The following TMEM108 variants were observed in gnomAD, a reference collection of about 807,000 sequenced individuals.
The protein encoded by TMEM108 is transmembrane protein 108.
Under a neutral mutation model 35.1 loss-of-function variants are expected in TMEM108, and 12 were observed. The observed-to-expected ratio is 0.34, with a 90% confidence interval of 0.22 to 0.55. The LOEUF is 0.55. TMEM108 is among the 20% of genes least tolerant of loss of function. The probability of loss-of-function intolerance (pLI) is 0.89; values close to 1 mark genes in which losing one functional copy is unlikely to be tolerated. For missense variants in TMEM108, 680 were observed against 753.3 expected (o/e 0.90, Z 1.14); for synonymous variants, 287 against 308.6 (o/e 0.93, Z 0.73).
chr3:133,099,575 G>T (rs1477584318), intron 2 of TMEM108, among the ~76,000 whole-genome samples: 3 of 152,138 alleles, frequency 2.0e-5, no homozygotes, highest in African/African-American at 7.2e-5. Flanking sequence ...AAAACAGAAT[G>T]CTCTTAATAG....
At chr3:133,200,668 A>G (rs1251440666) in intron 2 of TMEM108, among the ~76,000 whole-genome samples, 1 of 152,124 alleles carries the variant, frequency 6.6e-6, no homozygotes, top group African/African-American at 2.4e-5. Flanking sequence ...TATATCAATG[A>G]CTTCCCAGGG....
intron 4 of TMEM108, among the ~76,000 whole-genome samples, chr3:133,383,248 G>A (rs2073059984): frequency 6.6e-6 from 1 of 152,186 alleles, no homozygotes; most frequent in African/African-American, 2.4e-5. Flanking sequence ...AGACCAGCCA[G>A]AGACATAAAA....
chr3:133,041,004 C>T (rs373962435), intron 1 of TMEM108, among the ~76,000 whole-genome samples: 7 of 152,280 alleles, frequency 4.6e-5, no homozygotes, highest in East Asian at 1.9e-4. Flanking sequence ...ATCTGAGTAC[C>T]TTCCTTAGGA....
chr3:133,106,707 A>G (rs1357113261), intron 2 of TMEM108, among the ~76,000 whole-genome samples: 1 of 152,246 alleles, frequency 6.6e-6, no homozygotes, highest in East Asian at 1.9e-4. Context: ...TTGTGAGGAC[A>G]TTTAAGCATC....
chr3:133,360,059 A>C (rs900324952), intron 3 of TMEM108, among the ~76,000 whole-genome samples: 2 of 152,106 alleles, frequency 1.3e-5, no homozygotes, highest in African/African-American at 2.4e-5. Flanking sequence ...CAAATGGATA[A>C]ATTTCGCAGA....
At chr3:133,357,506 A>G (rs2072209006) in intron 3 of TMEM108, among the ~76,000 whole-genome samples, 1 of 152,210 alleles carries the variant, frequency 6.6e-6, no homozygotes, top group African/African-American at 2.4e-5. Context: ...ATTCACAATT[A>G]CAGAGATATG....
intron 2 of TMEM108, among the ~76,000 whole-genome samples, chr3:133,181,450 T>G (rs1242029016): frequency 6.6e-6 from 1 of 152,186 alleles, no homozygotes; most frequent in African/African-American, 2.4e-5. Context: ...CTAGTTGACA[T>G]CTTTCTTCCT....
chr3:133,040,288 C>G (rs1365455553), intron 1 of TMEM108, among the ~76,000 whole-genome samples: 2 of 150,210 alleles, frequency 1.3e-5, no homozygotes, highest in East Asian at 3.9e-4. Context: ...ACTGTAACCT[C>G]CGTCTCCTGG....
At chr3:133,205,485 G>A (rs766703995) in intron 2 of TMEM108, among the ~76,000 whole-genome samples, 2 of 152,144 alleles carry the variant, frequency 1.3e-5, no homozygotes, top group African/African-American at 2.4e-5. Flanking sequence ...AGGAGCTCTT[G>A]TAAGGCAGGC....
At chr3:133,127,974 T>C (rs571540066) in intron 2 of TMEM108, among the ~76,000 whole-genome samples, 2 of 152,364 alleles carry the variant, frequency 1.3e-5, no homozygotes, top group African/African-American at 4.8e-5. Flanking sequence ...ATCAGGATTC[T>C]TGAATATAAT....
At position 133,129,822 on chromosome 3, in the gene TMEM108, G is replaced by A. The variant is rs1203435440; in HGVS notation, c.-47+83802G>A. ...TAGCTTGTCTAGGGCTACACAATAAGTGATCAGGGATTTTACTTAGCTCTA... is the reference window on the plus strand; with the variant it reads ...TAGCTTGTCTAGGGCTACACAATAAATGATCAGGGATTTTACTTAGCTCTA... On this transcript the variant is annotated intron_variant, in intron 2 of 5. Transcript: ENST00000321871. Among the ~76,000 whole-genome samples the A allele has an allele frequency of 3.9e-5, 6 of 152,010 alleles. No homozygotes were observed. The East Asian group carries it at 1.2e-3, about 30-fold the overall frequency.
intron 2 of TMEM108, among the ~76,000 whole-genome samples, chr3:133,165,000 A>G (rs1053787573): frequency 1.0e-4 from 3 of 28,878 alleles, no homozygotes; most frequent in African/African-American, 2.6e-4. Context: ...AACAAAGTAT[A>G]AACACTACCT....
At chr3:133,220,282 A>T (rs1377724963) in intron 2 of TMEM108, among the ~76,000 whole-genome samples, 9 of 147,690 alleles carry the variant, frequency 6.1e-5, no homozygotes, top group African/African-American at 1.5e-4. Flanking sequence ...TCATCCAGTC[A>T]TTTTTTTTTT....
At chr3:133,305,154 C>T (rs996240552) in intron 3 of TMEM108, among the ~76,000 whole-genome samples, 3 of 151,578 alleles carry the variant, frequency 2.0e-5, no homozygotes, top group Non-Finnish European at 2.9e-5. Flanking sequence ...GAAAATGTGG[C>T]ACATATACAC....
chr3:133,316,723 C>A (rs988173552), intron 3 of TMEM108, among the ~76,000 whole-genome samples: 1 of 152,232 alleles, frequency 6.6e-6, no homozygotes, highest in Admixed American at 6.5e-5. Context: ...ATCCAAACAG[C>A]CTAGCTGGCA....
At chr3:133,361,484 A>G (rs919615431) in intron 3 of TMEM108, among the ~76,000 whole-genome samples, 1 of 152,240 alleles carries the variant, frequency 6.6e-6, no homozygotes, top group African/African-American at 2.4e-5. Context: ...AACCACCCCA[A>G]AAATTAGCAT....
At chr3:133,177,352 G>A (rs892517138) in intron 2 of TMEM108, among the ~76,000 whole-genome samples, 4 of 152,114 alleles carry the variant, frequency 2.6e-5, no homozygotes, top group Non-Finnish European at 5.9e-5. Flanking sequence ...GCCTGGCAGA[G>A]ACACAACAAA....
intron 3 of TMEM108, among the ~76,000 whole-genome samples, chr3:133,235,133 T>C (rs7614582): frequency 0.21 from 31,012 of 150,214 alleles, 2,850 homozygotes; most frequent in Middle Eastern, 0.3. Context: ...ACATTCCATG[T>C]TCATGGATAG....
intron 2 of TMEM108, among the ~76,000 whole-genome samples, chr3:133,129,082 C>A (rs936050281): frequency 3.9e-5 from 6 of 152,304 alleles, no homozygotes; most frequent in East Asian, 1.9e-4. Flanking sequence ...CAGTGGCTCA[C>A]GCCTGTAATT....
Sources: gnomAD v4.1 joint callset for allele counts (sites outside exome capture counted in the v4.1 genomes callset) on GRCh38, gnomAD v4.1.1 for gene constraint, MANE v1.5 for transcripts, NCBI Gene and HGNC (gene_info 2026-07-23, HGNC 2026-07-21) for gene names.